The following DOCK3 variants were observed in gnomAD, a reference collection of about 807,000 sequenced individuals.
DOCK3 encodes the protein dedicator of cytokinesis 3, also known as dedicator of cytokinesis protein 3.
DOCK3 carries 60 observed loss-of-function variants against 265.6 expected under a neutral mutation model. That is an observed-to-expected ratio of 0.23 (90% CI 0.18 to 0.28). The LOEUF (loss-of-function observed/expected upper bound fraction) is 0.28, where lower values mean the gene tolerates loss of function less well. Among genes scored for constraint, DOCK3 ranks in the 10% least tolerant of loss-of-function variants. The pLI, the probability that DOCK3 is intolerant of heterozygous loss-of-function variation, is 1.00. For synonymous variants in DOCK3, 881 were observed against 938.0 expected (o/e 0.94, Z 1.11); for missense variants, 1,981 against 2,594.3 (o/e 0.76, Z 5.14).
At chr3:50,908,656 G>A (rs937452163) in intron 4 of DOCK3, among the ~76,000 whole-genome samples, 1 of 152,114 alleles carries the variant, frequency 6.6e-6, no homozygotes, top group African/African-American at 2.4e-5. Flanking sequence ...CTATTTTAGA[G>A]TAAGTGCCAT....
In DOCK3 at chr3:51,228,073, G is replaced by T; in HGVS notation, c.1632G>T (p.Glu544Asp). 2 of 1,614,008 alleles carry T rather than the reference G, an allele frequency of 1.2e-6. No individual in the cohort carries two copies. The highest frequency in any genetic ancestry group is 1.7e-6 in the Non-Finnish European group (2 of 1,179,884). Reference protein sequence around the residue: ...DGTTLSDDIHELYVYKCDENS... With the variant: ...DGTTLSDDIHDLYVYKCDENS... ...CCACCCTCTCAGATGATATTCACGA[G>T]CTTTATGTGTACAAGGTATGAAGCC... The change falls in exon 17 of 53, where the codon GAG becomes GAT. Residue 544 changes from glutamate (E) to aspartate (D), a missense_variant. Physicochemically the swap from Glu to Asp is conservative, Grantham distance 45 (BLOSUM62 2). Transcript: ENST00000266037.
chr3:51,330,992 C>A (rs1469385177), intron 33 of DOCK3, among the ~76,000 whole-genome samples: 3 of 152,218 alleles, frequency 2.0e-5, no homozygotes, highest in Non-Finnish European at 2.9e-5. Context: ...ATAATACTAT[C>A]CATTTGCTTA....
intron 12 of DOCK3, among the ~76,000 whole-genome samples, chr3:51,168,100 A>G (rs1163813011): frequency 2.0e-5 from 3 of 152,204 alleles, no homozygotes; most frequent in Non-Finnish European, 4.4e-5. Context: ...TATTTCTTAT[A>G]TATCTAATTT....
At chr3:50,789,927 T>A (rs1017550384) in intron 2 of DOCK3, among the ~76,000 whole-genome samples, 4 of 152,158 alleles carry the variant, frequency 2.6e-5, no homozygotes, top group Non-Finnish European at 5.9e-5. Flanking sequence ...AGAGATGGGG[T>A]TTCGCCATAT....
intron 12 of DOCK3, among the ~76,000 whole-genome samples, chr3:51,182,110 G>C (rs763711042): frequency 3.7e-4 from 57 of 152,174 alleles, no homozygotes; most frequent in Non-Finnish European, 7.5e-4. Flanking sequence ...GTCACAGAGA[G>C]GTAGGTGCCT....
At chr3:50,930,707 G>A (rs2051016735) in intron 4 of DOCK3, among the ~76,000 whole-genome samples, 1 of 152,204 alleles carries the variant, frequency 6.6e-6, no homozygotes, top group Admixed American at 6.5e-5. Context: ...ACAGGCCTCG[G>A]GCCGGCAATT....
intron 9 of DOCK3, among the ~76,000 whole-genome samples, chr3:51,125,792 A>C (rs1190171407): frequency 6.6e-6 from 1 of 152,362 alleles, no homozygotes; most frequent in African/African-American, 2.4e-5. Flanking sequence ...AATGAAGTTA[A>C]AAAGAACAAA....
chr3:51,242,341 C>T (rs1006052736), intron 21 of DOCK3, among the ~76,000 whole-genome samples: 3 of 152,042 alleles, frequency 2.0e-5, no homozygotes, highest in Non-Finnish European at 2.9e-5. Context: ...TCCACTTTGG[C>T]TGGGTGGTAT....
intron 27 of DOCK3, among the ~76,000 whole-genome samples, chr3:51,296,605 T>C (rs2082093507): frequency 6.6e-6 from 1 of 151,610 alleles, no homozygotes; most frequent in East Asian, 2.0e-4. Context: ...GCCTCTTGAG[T>C]AGCTGGGACT....
intron 2 of DOCK3, chr3:50,787,210 G>T: frequency 1.7e-6 from 1 of 602,982 alleles, no homozygotes; most frequent in Non-Finnish European, 3.1e-6. Context: ...ATCTGCATGT[G>T]CCTATGAGTA....
intron 1 of DOCK3, among the ~76,000 whole-genome samples, chr3:50,704,441 G>A (rs985387090): frequency 2.0e-5 from 3 of 151,128 alleles, no homozygotes; most frequent in Non-Finnish European, 4.4e-5. Flanking sequence ...TGTTTTTCTG[G>A]GTATTCCAGT....
intron 5 of DOCK3, among the ~76,000 whole-genome samples, chr3:50,973,885 G>A (rs1342730655): frequency 3.8e-5 from 5 of 133,160 alleles, no homozygotes; most frequent in Non-Finnish European, 4.9e-5. Flanking sequence ...TTCTCTGATG[G>A]CCAGTGATGA....
chr3:51,316,652 T>C (rs1452305819), intron 32 of DOCK3, among the ~76,000 whole-genome samples: 1 of 152,250 alleles, frequency 6.6e-6, no homozygotes, highest in Non-Finnish European at 1.5e-5. Flanking sequence ...TTTTAGCCAT[T>C]CTAATAGGTG....
intron 1 of DOCK3, among the ~76,000 whole-genome samples, chr3:50,714,517 G>C (rs973923180): frequency 6.6e-6 from 1 of 152,076 alleles, no homozygotes; most frequent in African/African-American, 2.4e-5. Context: ...ATCTTGTTCT[G>C]TTACCCGAGG....
chr3:51,142,824 C>A (rs2085123438), intron 9 of DOCK3, among the ~76,000 whole-genome samples: 1 of 152,102 alleles, frequency 6.6e-6, no homozygotes, highest in African/African-American at 2.4e-5. Flanking sequence ...TGCATTCTTA[C>A]CAACAGTTTA....
intron 1 of DOCK3, among the ~76,000 whole-genome samples, chr3:50,732,815 A>G (rs2038307583): frequency 6.6e-6 from 1 of 152,234 alleles, no homozygotes; most frequent in African/African-American, 2.4e-5. Context: ...CTAAGGATAA[A>G]TATAATGAAA....
intron 24 of DOCK3, among the ~76,000 whole-genome samples, chr3:51,271,884 G>GA (rs397706710): frequency 2.0e-5 from 3 of 150,672 alleles, no homozygotes; most frequent in African/African-American, 7.3e-5. Flanking sequence ...CCTGAAAGGG[G>GA]CCCTGAGGAC....
intron 9 of DOCK3, among the ~76,000 whole-genome samples, chr3:51,116,334 C>G (rs1260423338): frequency 6.6e-6 from 1 of 150,798 alleles, no homozygotes; most frequent in African/African-American, 2.4e-5. Flanking sequence ...ACCTGTAATC[C>G]CAGCTACTCG....
intron 5 of DOCK3, among the ~76,000 whole-genome samples, chr3:50,985,632 G>T (rs951208839): frequency 1.2e-4 from 18 of 152,106 alleles, no homozygotes; most frequent in African/African-American, 4.3e-4. Context: ...CTTCTGGTCA[G>T]TTCAAAAAAT....
Sources: gnomAD v4.1 joint callset for allele counts (sites outside exome capture counted in the v4.1 genomes callset) on GRCh38, gnomAD v4.1.1 for gene constraint, MANE v1.5 for transcripts, NCBI Gene and HGNC (gene_info 2026-07-23, HGNC 2026-07-21) for gene names.